Variants in YWHAQ observed in about 807,000 individuals in gnomAD.
YWHAQ encodes 14-3-3 protein theta.
YWHAQ carries 6 observed loss-of-function variants against 28.3 expected under a neutral mutation model. The ratio of observed to expected loss-of-function variants is 0.21; its 90% CI spans 0.12 to 0.42. The LOEUF is 0.42. Among genes scored for constraint, YWHAQ ranks in the 10% least tolerant of loss-of-function variants. YWHAQ has a pLI of 1.00. For missense variants in YWHAQ, 201 were observed against 305.6 expected, an observed-to-expected ratio of 0.66 and a Z score of 2.55; for synonymous variants, 143 against 119.1, an observed-to-expected ratio of 1.20 and a Z score of -1.31.
Position 9,605,992 on chromosome 2 carries a change from T to C in YWHAQ, c.295-14477A>G, listed in dbSNP as rs541521184. Among the ~76,000 whole-genome samples the C allele has an allele frequency of 2.6e-5, 4 of 152,304 alleles. No individual in the cohort carries two copies. In the East Asian group the frequency reaches 7.7e-4, roughly 29 times the overall value. On this transcript the variant is annotated intron_variant, in intron 2 of 5. Transcript: ENST00000238081. ...TAGTAAGCGCTCTGAGATAATTCCATGTCCATATATTTAATAGCTGCCTCA... is the reference window on the plus strand; with the variant it reads ...TAGTAAGCGCTCTGAGATAATTCCACGTCCATATATTTAATAGCTGCCTCA...
Position 9,624,744 on chromosome 2 carries a change from T to C in YWHAQ, c.294+5415A>G, listed in dbSNP as rs183167840. Among the ~76,000 whole-genome samples the C allele has an allele frequency of 1.0e-3, 152 of 152,100 alleles. 1 individual carries two copies. Among genetic ancestry groups the C allele is most frequent in the African/African-American group, 3.3e-3 (138 of 41,498 alleles). ...CTAACCTTAAACTTACAATATTCTA[T>C]TTCACTCTTTTTTTTTTTTGAGACA... On this transcript the variant is annotated intron_variant, in intron 2 of 5. Transcript: ENST00000238081.
chr2:9,630,633 G>A lies in YWHAQ; in HGVS notation c.-82-99C>T. ...CCCGCTTTTGTCTCCCGCACACGCG[G>A]CCGCTTGAATTTCCCTCTCCCCCGC... On this transcript the variant is annotated intron_variant, in intron 1 of 5. Transcript: ENST00000238081. This position sits in a 1 kb window ranked among gnomAD's most constrained non-coding sequence, Gnocchi z 5.6. The A allele has an allele frequency of 3.5e-6, 2 of 576,760 alleles. No homozygotes were observed. Among genetic ancestry groups the A allele is most frequent in the Non-Finnish European group, 5.7e-6 (2 of 350,576 alleles). 35.7% of individuals were successfully genotyped at this position (576,760 alleles called of 1,614,324 possible). A position where few individuals can be genotyped will look rare whatever the true frequency, so the allele number is the denominator to read the frequency against.
intron 2 of YWHAQ, among the ~76,000 whole-genome samples, chr2:9,593,478 G>C (rs1572988207): frequency 6.6e-6 from 1 of 151,894 alleles, no homozygotes; most frequent in East Asian, 1.9e-4. Context: ...CAAAGTACTG[G>C]GATTACAGGC....
At chr2:9,619,750 C>T (rs1205779469) in intron 2 of YWHAQ, among the ~76,000 whole-genome samples, 1 of 152,144 alleles carries the variant, frequency 6.6e-6, no homozygotes, top group Non-Finnish European at 1.5e-5. Flanking sequence ...CCTTTCCAAC[C>T]TCTTATCCAT....
At chr2:9,619,481 G>C (rs1182609413) in intron 2 of YWHAQ, among the ~76,000 whole-genome samples, 1 of 152,142 alleles carries the variant, frequency 6.6e-6, no homozygotes, top group Non-Finnish European at 1.5e-5. Context: ...CCAGGAGGCA[G>C]AGGTTGCAGT....
intron 2 of YWHAQ, among the ~76,000 whole-genome samples, chr2:9,606,305 C>G (rs1296194842): frequency 6.6e-6 from 1 of 152,182 alleles, no homozygotes; most frequent in Non-Finnish European, 1.5e-5. Context: ...GTGGCTCATG[C>G]CTGTAATCCC....
rs762328022 is a variant in YWHAQ at position 9,585,329 on chromosome 2, C to G, written c.695G>C (p.Ser232Thr). Reference sequence around the variant, plus strand: ...TGCCGCATCACATTCTTCTCCTGCACTGTCTGATGTCCAAAGCTAGAAAAA... The same window carrying G: ...TGCCGCATCACATTCTTCTCCTGCAGTGTCTGATGTCCAAAGCTAGAAAAA... Reference protein sequence around the residue: ...RDNLTLWTSDSAGEECDAAEG... With the variant: ...RDNLTLWTSDTAGEECDAAEG... Residue 232 changes from serine to threonine, a missense_variant, in exon 6 of 6, where the codon AGT becomes ACT. Transcript: ENST00000238081. 10 of 1,614,030 alleles carry G rather than the reference C, an allele frequency of 6.2e-6. No homozygotes were observed. In the Admixed American group the frequency reaches 8.3e-5, roughly 13 times the overall value.
chr2:9,615,311 A>G (rs991475992), intron 2 of YWHAQ: 6 of 152,180 alleles, frequency 3.9e-5, no homozygotes, highest in African/African-American at 1.4e-4. Flanking sequence ...TCATTCAGTT[A>G]CCAAATCAAA....
chr2:9,623,615 A>C (rs981329621), intron 2 of YWHAQ, among the ~76,000 whole-genome samples: 2 of 152,052 alleles, frequency 1.3e-5, no homozygotes, highest in African/African-American at 4.8e-5. Context: ...CTCTACTAAA[A>C]ATACAAAATT....
At chr2:9,595,885 C>T (rs1174962256) in intron 2 of YWHAQ, among the ~76,000 whole-genome samples, 1 of 152,036 alleles carries the variant, frequency 6.6e-6, no homozygotes, top group Non-Finnish European at 1.5e-5. Flanking sequence ...GACAGTGTTA[C>T]TTGACTGAGG....
At chr2:9,586,960 G>C (rs950388522) in intron 5 of YWHAQ, among the ~76,000 whole-genome samples, 6 of 152,136 alleles carry the variant, frequency 3.9e-5, no homozygotes, top group Non-Finnish European at 7.4e-5. Context: ...AAGCAGAGAA[G>C]GAGTAAGTTT....
rs555070568 is a variant in YWHAQ at position 9,617,739 on chromosome 2, CCAGCGTGGA to C, written c.294+12411_294+12419del. 8.5e-5 allele frequency among the ~76,000 whole-genome samples: 13 copies of C among 152,058 alleles called. No homozygotes were observed. The South Asian group carries it at 2.7e-3, about 32-fold the overall frequency. On this transcript the variant is annotated intron_variant, in intron 2 of 5. Coordinates refer to ENST00000238081, the MANE Select transcript of YWHAQ (RefSeq NM_006826.4). ...GATCATCTGGCCCAGGAGTTTGAGA[CCAGCGTGGA>C]CAACAAAGTGAGACCCCATCTCTAA... is the stretch of plus-strand genomic sequence containing the variant.
rs547582835 is a variant in YWHAQ at position 9,597,985 on chromosome 2, ATTTTTTTTTTT to A, written c.295-6481_295-6471del. ...CAGGCATGCACCACCATGCCGGGCT[ATTTTTTTTTTT>A]TTTTTTTTTTTTTTTTTAGTAGAGA... On this transcript the variant is annotated intron_variant, in intron 2 of 5. Transcript: ENST00000238081. 2.4e-3 allele frequency among the ~76,000 whole-genome samples: 151 copies of A among 62,478 alleles called. 5 individuals carry two copies. In the East Asian group the frequency reaches 0.048, roughly 20 times the overall value. The allele number at this position is 62,478 out of a possible 152,430, so 41.0% of individuals were successfully genotyped here.
At chr2:9,604,186 T>C (rs1052595989) in intron 2 of YWHAQ, among the ~76,000 whole-genome samples, 3 of 152,016 alleles carry the variant, frequency 2.0e-5, no homozygotes, top group African/African-American at 7.3e-5. Context: ...AAATAAAAAA[T>C]AATTATTTAA....
chr2:9,598,543 C>G (rs1161131220), intron 2 of YWHAQ, among the ~76,000 whole-genome samples: 2 of 152,188 alleles, frequency 1.3e-5, no homozygotes, highest in African/African-American at 2.4e-5. Context: ...AGCGTGTGCT[C>G]AACTTCATGT....
chr2:9,593,337 C>T (rs1390298805), intron 2 of YWHAQ, among the ~76,000 whole-genome samples: 1 of 149,566 alleles, frequency 6.7e-6, no homozygotes, highest in Non-Finnish European at 1.5e-5. Flanking sequence ...GCCTCCCGAG[C>T]AGCTGGGACT....
At chr2:9,608,089 A>C (rs1483993281) in intron 2 of YWHAQ, among the ~76,000 whole-genome samples, 1 of 152,196 alleles carries the variant, frequency 6.6e-6, no homozygotes, top group African/African-American at 2.4e-5. Flanking sequence ...GGAGTACTTA[A>C]GAAATGTGTG....
intron 2 of YWHAQ, among the ~76,000 whole-genome samples, chr2:9,607,954 C>A (rs1055351212): frequency 1.3e-5 from 2 of 151,952 alleles, no homozygotes; most frequent in African/African-American, 4.8e-5. Context: ...GTAATCCGCC[C>A]ACCTCAGCCT....
intron 2 of YWHAQ, among the ~76,000 whole-genome samples, chr2:9,594,835 A>C (rs986805847): frequency 1.3e-5 from 2 of 152,230 alleles, no homozygotes. Flanking sequence ...AGAAATTTCC[A>C]TTCTAGCACT....
Sources: gnomAD v4.1 joint callset for allele counts (sites outside exome capture counted in the v4.1 genomes callset) on GRCh38, gnomAD v4.1.1 for gene constraint, Gnocchi (gnomAD v3.1) non-coding constraint, MANE v1.5 for transcripts, NCBI Gene and HGNC (gene_info 2026-07-23, HGNC 2026-07-21) for gene names.